CRNKL1: variants seen among roughly 807,000 people sequenced by gnomAD.
The protein encoded by CRNKL1 is crooked neck pre-mRNA splicing factor 1.
In CRNKL1, 35 loss-of-function variants were observed where a neutral mutation model predicts 103.7. That is an observed-to-expected ratio of 0.34 (90% CI 0.26 to 0.45). The LOEUF (loss-of-function observed/expected upper bound fraction) is 0.45. Ranked by LOEUF, CRNKL1 falls within the 20% of genes least tolerant of loss-of-function variation. The pLI, the probability that CRNKL1 is intolerant of heterozygous loss-of-function variation, is 1.00. For synonymous variants in CRNKL1, 267 were observed against 282.6 expected (o/e 0.94, Z 0.55); for missense variants, 645 against 836.0 (o/e 0.77, Z 2.82).
chr20:20,052,536 T>C (rs1273510311), upstream of CRNKL1: 1 of 1,614,230 alleles, frequency 6.2e-7, no homozygotes, highest in Non-Finnish European at 8.5e-7. Context: ...GTGACCAGGC[T>C]GCGCGTCCTC....
upstream of CRNKL1, among the ~76,000 whole-genome samples, chr20:20,053,407 A>G (rs1179178636): frequency 1.3e-5 from 2 of 152,168 alleles, no homozygotes; most frequent in Non-Finnish European, 2.9e-5. Context: ...ATTTGTTACA[A>G]TCTTGAACCT....
intron 12 of CRNKL1, among the ~76,000 whole-genome samples, chr20:20,038,085 CAA>C (rs1299315257): frequency 2.4e-5 from 3 of 125,142 alleles, no homozygotes; most frequent in Non-Finnish European, 3.4e-5. Context: ...GACTCCGTCT[CAA>C]AAAAAAAAAA....
intron 9 of CRNKL1, among the ~76,000 whole-genome samples, chr20:20,041,186 G>A (rs6046564): frequency 0.25 from 38,439 of 152,158 alleles, 7,455 homozygotes; most frequent in East Asian, 0.72. Flanking sequence ...GAAACAAGGC[G>A]GAGGTAACAT....
rs758771266 is a variant in CRNKL1, at chr20:20,052,400, C to G, written c.-58G>C. On this transcript the variant is annotated 5_prime_UTR_variant, in exon 1 of 14. Coordinates refer to ENST00000536226, the MANE Select transcript of CRNKL1 (RefSeq NM_001278628.2). The stretch of plus-strand genomic sequence containing the variant: ...CCGGCACGGACGCTAGAAATCGGCT[C>G]TGAGAGCTCACCGAAACCACAAAGC... 1 of 1,614,218 alleles carries G rather than the reference C, an allele frequency of 6.2e-7. No homozygotes were observed. Among genetic ancestry groups the G allele is most frequent in the South Asian group, 1.1e-5 (1 of 91,082 alleles).
chr20:20,049,525 T>C (rs2043651158), intron 2 of CRNKL1, 94 bp from the exon 3 acceptor site: 3 of 640,036 alleles, frequency 4.7e-6, no homozygotes, highest in Admixed American at 3.2e-5. Flanking sequence ...AAATGGTTAT[T>C]CATTTTGTTC....
At chr20:20,043,791 T>C (rs2146493405) in intron 6 of CRNKL1, 129 bp from the exon 7 acceptor site, 1 of 806,188 alleles carries the variant, frequency 1.2e-6, no homozygotes, top group South Asian at 1.9e-5. Context: ...CAGAGTAAGA[T>C]GCTTTTCTCC....
chr20:20,054,165 A>G (rs567230383), upstream of CRNKL1, among the ~76,000 whole-genome samples: 2 of 152,016 alleles, frequency 1.3e-5, no homozygotes, highest in Admixed American at 6.5e-5. Context: ...TTCTCAGAAT[A>G]TACCATCTCC....
upstream of CRNKL1, among the ~76,000 whole-genome samples, chr20:20,055,405 G>A (rs1600298116): frequency 6.6e-6 from 1 of 152,066 alleles, no homozygotes; most frequent in Non-Finnish European, 1.5e-5. Flanking sequence ...TCTTGGGCTG[G>A]TGAGTTTAAT....
chr20:20,044,635 T>G (rs2043566526), intron 6 of CRNKL1, among the ~76,000 whole-genome samples: 1 of 152,164 alleles, frequency 6.6e-6, no homozygotes, highest in African/African-American at 2.4e-5. Context: ...CCTTTTTTTT[T>G]AAGAAATGGG....
At chr20:20,051,235 G>A (rs1049285500) in intron 1 of CRNKL1, among the ~76,000 whole-genome samples, 2 of 152,138 alleles carry the variant, frequency 1.3e-5, no homozygotes, top group African/African-American at 2.4e-5. Flanking sequence ...TGGTTTTGAA[G>A]ATGAAGTATA....
chr20:20,039,745 T>C lies in CRNKL1; in HGVS notation c.1409A>G (p.Lys470Arg). ...ATTTTCAGGTCCAAATTCCAGGAAC[T>C]TTTCATAAAGCTTCCGGCATCTGTC... ...EFDRCRKLYE[K>R]FLEFGPENCT... The change falls in exon 11 of 14, where the codon AAG becomes AGG. Residue 470 changes from lysine (K) to arginine (R), a missense_variant. Physicochemically the swap from Lys to Arg is conservative, Grantham distance 26 (BLOSUM62 2). Transcript: ENST00000536226. 2 of 1,614,218 alleles carry C rather than the reference T, an allele frequency of 1.2e-6. No homozygotes were observed. The highest frequency in any genetic ancestry group is 1.7e-6 in the Non-Finnish European group (2 of 1,180,040).
chr20:20,042,528 AC>A lies in CRNKL1; in HGVS notation c.973-13del, dbSNP rs2043532115. The A allele has an allele frequency of 1.9e-6, 3 of 1,595,206 alleles. No individual in the cohort carries two copies. The South Asian group carries it at 3.4e-5, about 18-fold the overall frequency. On this transcript the variant is annotated splice_polypyrimidine_tract_variant and intron_variant, in intron 7 of 13. Transcript: ENST00000536226. ...TTGTGTGGATTCGCCTAGAAAGACA[AC>A]CAGTTTAATAAATAAAAAACAAAAC...
chr20:20,052,371 G>A lies in CRNKL1; in HGVS notation c.-29C>T, dbSNP rs139192640. 159 of 1,614,054 alleles carry A rather than the reference G, an allele frequency of 9.9e-5. 1 individual carries two copies. The highest frequency in any genetic ancestry group is 1.3e-4 in the Non-Finnish European group (150 of 1,180,046). ...TGCAGCAGTCGACCTCTGGACACCTGTCCCCGGCACGGACGCTAGAAATCG... is the reference window on the plus strand; with the variant it reads ...TGCAGCAGTCGACCTCTGGACACCTATCCCCGGCACGGACGCTAGAAATCG... On this transcript the variant is annotated 5_prime_UTR_variant, in exon 1 of 14. Transcript: ENST00000536226.
Position 20,035,982 on chromosome 20 carries a change from T to C in CRNKL1, c.*213A>G, listed in dbSNP as rs746547738. On this transcript the variant is annotated 3_prime_UTR_variant, in exon 14 of 14. Transcript: ENST00000536226. ...AGACATTAGAAAAGTTTGGACTCAGTTGGAAAAACAAATCCAGCAGTTAAA... is the reference window on the plus strand; with the variant it reads ...AGACATTAGAAAAGTTTGGACTCAGCTGGAAAAACAAATCCAGCAGTTAAA... The C allele has an allele frequency of 7.9e-5, 41 of 516,088 alleles. No individual in the cohort carries two copies. Among genetic ancestry groups the C allele is most frequent in the Admixed American group, 2.5e-4 (7 of 27,872 alleles). 32.0% of individuals were successfully genotyped at this position (516,088 alleles called of 1,614,324 possible). A position where few individuals can be genotyped will look rare whatever the true frequency, so the allele number is the denominator to read the frequency against.
chr20:20,039,476 C>T (rs6046561), intron 11 of CRNKL1, 133 bp downstream of exon 11: 3 of 1,110,806 alleles, frequency 2.7e-6, no homozygotes, highest in Non-Finnish European at 3.9e-6. Flanking sequence ...ACGTACAAGC[C>T]TAATCTGAGT....
At chr20:20,040,809 T>C (rs758584165) in intron 9 of CRNKL1, 43 bp from the exon 10 acceptor site, 3 of 1,321,022 alleles carry the variant, frequency 2.3e-6, no homozygotes, top group Admixed American at 3.8e-5. Context: ...AAAAGCCTCA[T>C]CCAAATTAAA....
In CRNKL1 at chr20:20,034,849, A is replaced by G. The variant is rs1243285597; in HGVS notation, c.*1346T>C. 6.6e-6 allele frequency: 1 copy of G among 152,238 alleles called. No homozygotes were observed. Among genetic ancestry groups the G allele is most frequent in the Non-Finnish European group, 1.5e-5 (1 of 68,044 alleles). 9.4% of individuals were successfully genotyped at this position (152,238 alleles called of 1,614,324 possible). On this transcript the variant is annotated 3_prime_UTR_variant, in exon 14 of 14. Transcript: ENST00000536226. ...GTAACAACATTACGAAGTAGCTTTT[A>G]TTCCCTTGGGTGAATAAGATGTGCA... is the stretch of plus-strand genomic sequence containing the variant.
upstream of CRNKL1, chr20:20,052,856 T>A: frequency 1.2e-6 from 1 of 809,284 alleles, no homozygotes; most frequent in Non-Finnish European, 1.9e-6. Flanking sequence ...CCTCGAGCAT[T>A]GCATTCTAGT....
rs1009365493 is a variant in CRNKL1, at chr20:20,043,582, A to G, written c.882T>C (p.Tyr294=). The G allele has an allele frequency of 2.5e-6, 4 of 1,614,150 alleles. No homozygotes were observed. The highest frequency in any genetic ancestry group is 2.2e-5 in the South Asian group (2 of 91,084). Reference sequence around the variant, plus strand: ...CACCAAACTTCTTCTCAAAGATGGTATAATTTTTAAAGAGTTCTTGGGCAT... The same window carrying G: ...CACCAAACTTCTTCTCAAAGATGGTGTAATTTTTAAAGAGTTCTTGGGCAT... ...KQDAQELFKN[Y]TIFEKKFGDR... The change falls in exon 7 of 14, where the codon TAT becomes TAC. Residue 294 remains tyrosine (Y), a synonymous_variant. Coordinates refer to ENST00000536226, the MANE Select transcript of CRNKL1 (RefSeq NM_001278628.2).
Sources: gnomAD v4.1 joint callset for allele counts (sites outside exome capture counted in the v4.1 genomes callset) on GRCh38, gnomAD v4.1.1 for gene constraint, MANE v1.5 for transcripts, NCBI Gene and HGNC (gene_info 2026-07-23, HGNC 2026-07-21) for gene names.